ASMTL: variants seen among roughly 807,000 people sequenced by gnomAD.
ASMTL encodes the protein probable bifunctional dTTP/UTP pyrophosphatase/methyltransferase protein.
In ASMTL, 57 loss-of-function variants were observed where a neutral mutation model predicts 60.3. That is an observed-to-expected ratio of 0.95 (90% CI 0.76 to 1.18). The LOEUF (loss-of-function observed/expected upper bound fraction) is 1.18, where lower values mean the gene tolerates loss of function less well. ASMTL is among the 50% of genes most tolerant of loss of function. ASMTL has a pLI of 0.00. For missense variants in ASMTL, 981 were observed against 852.6 expected, an observed-to-expected ratio of 1.15 and a Z score of -1.88; for synonymous variants, 419 against 373.0, an observed-to-expected ratio of 1.12 and a Z score of -1.42.
rs1446720378 is a variant in ASMTL at position 1,427,764 on chromosome X, C to T, written c.867G>A (p.Leu289=). 1 of 1,612,696 alleles carries T rather than the reference C, an allele frequency of 6.2e-7. No individual in the cohort carries two copies. Among genetic ancestry groups the T allele is most frequent in the Non-Finnish European group, 8.5e-7 (1 of 1,179,324 alleles). The change falls in exon 7 of 13, where the codon CTG becomes CTA. Residue 289 remains leucine, a synonymous_variant. Coordinates refer to ENST00000381317, the MANE Select transcript of ASMTL (RefSeq NM_004192.4). ...ATAGCATAAAGCCCTCAATCAGCTC[C>T]AGGAGGCGTGTCGGGAACGGAGGCA... ...ETLPPFPTRL[L]ELIEGFMLSK...
chrX:1,416,999 G>A (rs1180957692), intron 11 of ASMTL, among the ~76,000 whole-genome samples: 1 of 114,688 alleles, frequency 8.7e-6, no homozygotes, highest in Non-Finnish European at 2.0e-5. Flanking sequence ...ACACAGAGAT[G>A]TGCACACACA....
chrX:1,435,541 C>G, intron 4 of ASMTL, 153 bp downstream of exon 4: 1 of 708,094 alleles, frequency 1.4e-6, no homozygotes, highest in Non-Finnish European at 2.5e-6. Context: ...GTGCCTGCCT[C>G]CCTGCATAGC....
At chrX:1,438,078 C>T (rs1382339715) in intron 3 of ASMTL, among the ~76,000 whole-genome samples, 6 of 151,108 alleles carry the variant, frequency 4.0e-5, no homozygotes, top group Admixed American at 2.6e-4. Context: ...CACTTGAGGT[C>T]GGGAGTTTGA....
Position 1,438,577 on chromosome X carries a change from G to A in ASMTL, c.273+520C>T, listed in dbSNP as rs755785853. On this transcript the variant is annotated intron_variant, in intron 3 of 12. Coordinates refer to ENST00000381317, the MANE Select transcript of ASMTL (RefSeq NM_004192.4). Reference sequence around the variant, plus strand: ...CACCCAGGCTGGAGTGCAGTGGCGCGATCTCGGCTCACTGCAACCCCGCCT... The same window carrying A: ...CACCCAGGCTGGAGTGCAGTGGCGCAATCTCGGCTCACTGCAACCCCGCCT... 2.9e-3 allele frequency among the ~76,000 whole-genome samples: 437 copies of A among 152,218 alleles called. 1 individual carries two copies. Among genetic ancestry groups the A allele is most frequent in the African/African-American group, 1.0e-2 (414 of 41,536 alleles).
chrX:1,403,602 G>GA, intron 12 of ASMTL, 113 bp from the exon 13 acceptor site: 1 of 977,328 alleles, frequency 1.0e-6, no homozygotes, highest in Non-Finnish European at 1.6e-6. Flanking sequence ...AGAGGCTGCT[G>GA]AGAACCCTTG....
rs754187862 is a variant in ASMTL, at chrX:1,421,798, C to T, written c.1105G>A (p.Gly369Ser). The T allele has an allele frequency of 2.5e-6, 4 of 1,613,808 alleles. No homozygotes were observed. In the African/African-American group the frequency reaches 5.3e-5, roughly 22 times the overall value. Residue 369 changes from glycine to serine, a missense_variant, in exon 9 of 13, where the codon GGC (glycine) becomes AGC (serine). By Grantham distance (56) the Gly-to-Ser change is moderately conservative (BLOSUM62 0). Coordinates refer to ENST00000381317, the MANE Select transcript of ASMTL (RefSeq NM_004192.4). ...ATGAAGCCGTGCAGAGAGTATTCGCCATCCGATGCCAGGTAGACGTTCGCT... is the reference window on the plus strand; with the variant it reads ...ATGAAGCCGTGCAGAGAGTATTCGCTATCCGATGCCAGGTAGACGTTCGCT... ...ETANVYLASD[G>S]EYSLHGFIMH...
At chrX:1,415,283 C>G (rs1344807962) in intron 11 of ASMTL, among the ~76,000 whole-genome samples, 1 of 152,090 alleles carries the variant, frequency 6.6e-6, no homozygotes, top group Non-Finnish European at 1.5e-5. Context: ...TCAAGTCTAA[C>G]CTAAGGCCAC....
At chrX:1,439,341 C>T (rs1215563021) in intron 2 of ASMTL, among the ~76,000 whole-genome samples, 197 bp from the exon 3 acceptor site, 10 of 152,252 alleles carry the variant, frequency 6.6e-5, no homozygotes, top group Admixed American at 2.0e-4. Context: ...GGGGCTGGAA[C>T]GTGGGTGAGG....
rs755533324 is a variant in ASMTL at position 1,448,783 on chromosome X, C to T, written c.93+3965G>A. On this transcript the variant is annotated intron_variant, in intron 1 of 12. Coordinates refer to ENST00000381317, the MANE Select transcript of ASMTL (RefSeq NM_004192.4). ...AAGCACCACCATCTTGGACACACAC[C>T]GCCATCTTGGATAAGCACCACCATC... is the stretch of plus-strand genomic sequence containing the variant. Among the ~76,000 whole-genome samples the T allele has an allele frequency of 2.9e-4, 44 of 151,330 alleles. 1 individual carries two copies. In the South Asian group the frequency reaches 7.3e-3, roughly 25 times the overall value.
At chrX:1,418,895 A>G in intron 10 of ASMTL, 87 bp downstream of exon 10, 3 of 1,535,064 alleles carry the variant, frequency 2.0e-6, no homozygotes, top group Non-Finnish European at 1.8e-6. Flanking sequence ...CAATGGAAAA[A>G]GGCAGTTGGT....
chrX:1,447,335 GCAC>G (rs1327119491), intron 1 of ASMTL, among the ~76,000 whole-genome samples: 2 of 151,888 alleles, frequency 1.3e-5, no homozygotes, highest in African/African-American at 4.8e-5. Context: ...TCTTGGATAA[GCAC>G]CACCATCTTG....
Position 1,432,253 on chromosome X carries a change from C to G in ASMTL, c.509+16G>C. The G allele has an allele frequency of 6.3e-7, 1 of 1,590,114 alleles. No homozygotes were observed. On this transcript the variant is annotated intron_variant, in intron 6 of 12. Coordinates refer to ENST00000381317, the MANE Select transcript of ASMTL (RefSeq NM_004192.4). Reference sequence around the variant, plus strand: ...CCACACGTGTCCCCCGTCCCCCCACCGCCCCCGAGACTCACATGGGCTCCC... The same window carrying G: ...CCACACGTGTCCCCCGTCCCCCCACGGCCCCCGAGACTCACATGGGCTCCC...
At chrX:1,447,740 GCCATCTTTGACACACACCA>G (rs1474988327) in intron 1 of ASMTL, among the ~76,000 whole-genome samples, 1 of 129,472 alleles carries the variant, frequency 7.7e-6, no homozygotes, top group Non-Finnish European at 1.6e-5. Context: ...GACATGCATG[GCCATCTTTGACACACACCA>G]CCATCTTGGA....
In ASMTL at chrX:1,418,265, G is replaced by T. The variant is rs769928068; in HGVS notation, c.1379-149C>A. 24 of 862,754 alleles carry T rather than the reference G, an allele frequency of 2.8e-5. No individual in the cohort carries two copies. The African/African-American group carries it at 3.9e-4, about 14-fold the overall frequency. 53.4% of individuals were successfully genotyped at this position (862,754 alleles called of 1,614,324 possible). On this transcript the variant is annotated intron_variant, in intron 10 of 12. Transcript: ENST00000381317. The stretch of plus-strand genomic sequence containing the variant: ...AAAGCCAGTGGTGGGGAGCTCGCTG[G>T]TATCCCAGACAAGACTGTACAAGCA...
intron 11 of ASMTL, among the ~76,000 whole-genome samples, chrX:1,416,472 CAT>C (rs2090270773): frequency 6.6e-6 from 1 of 151,852 alleles, no homozygotes; most frequent in Non-Finnish European, 1.5e-5. Context: ...CGCAGACACA[CAT>C]GGACATACAG....
chrX:1,418,251 T>TG, intron 10 of ASMTL, 135 bp from the exon 11 acceptor site: 14 of 1,018,954 alleles, frequency 1.4e-5, no homozygotes, highest in Non-Finnish European at 2.0e-5. Context: ...AAGCCAGTGG[T>TG]GGGGAGCTCG....
At chrX:1,450,419 T>C (rs1299869426) in intron 1 of ASMTL, among the ~76,000 whole-genome samples, 1 of 150,712 alleles carries the variant, frequency 6.6e-6, no homozygotes, top group Non-Finnish European at 1.5e-5. Flanking sequence ...CCCAGGTCAC[T>C]CCCCTCCCCC....
At chrX:1,405,394 A>G in intron 12 of ASMTL, among the ~76,000 whole-genome samples, 1 of 151,442 alleles carries the variant, frequency 6.6e-6, no homozygotes, top group African/African-American at 2.4e-5. Flanking sequence ...GTAGGTAGGT[A>G]GATAGATGGA....
chrX:1,420,212 ATC>A (rs1285908303), intron 9 of ASMTL, among the ~76,000 whole-genome samples: 4 of 140,168 alleles, frequency 2.9e-5, no homozygotes, highest in Non-Finnish European at 6.2e-5. Flanking sequence ...CTGTCTCTCC[ATC>A]TCTCTCCCTA....
Sources: allele counts gnomAD v4.1 joint callset (sites outside exome capture counted in the v4.1 genomes callset), GRCh38; gene constraint gnomAD v4.1.1; transcripts MANE v1.5; gene names NCBI Gene and HGNC (gene_info 2026-07-23, HGNC 2026-07-21).